The following TACR3 variants were observed in gnomAD, a reference collection of about 807,000 sequenced individuals.
TACR3 encodes tachykinin receptor 3, also known as neuromedin-K receptor.
In TACR3, 34 loss-of-function variants were observed where a neutral mutation model predicts 35.0. The ratio of observed to expected loss-of-function variants is 0.97; its 90% CI spans 0.74 to 1.30. TACR3 has a LOEUF of 1.30. TACR3 is among the 50% of genes most tolerant of loss of function. The probability of loss-of-function intolerance (pLI) is 0.00; values close to 1 mark genes in which losing one functional copy is unlikely to be tolerated. For synonymous variants in TACR3, 233 were observed against 221.1 expected, an observed-to-expected ratio of 1.05 and a Z score of -0.48; for missense variants, 558 against 591.7, an observed-to-expected ratio of 0.94 and a Z score of 0.59.
chr4:103,616,577 T>A (rs992330505), intron 3 of TACR3, among the ~76,000 whole-genome samples: 1 of 145,772 alleles, frequency 6.9e-6, no homozygotes, highest in Non-Finnish European at 1.5e-5. Context: ...TTAAATGCTA[T>A]GCCTAAAATT....
At chr4:103,660,291 C>T (rs893243152) in intron 1 of TACR3, among the ~76,000 whole-genome samples, 6 of 151,810 alleles carry the variant, frequency 4.0e-5, no homozygotes, top group Non-Finnish European at 8.8e-5. Flanking sequence ...CATATTTGTC[C>T]TTTTGTGACT....
intron 1 of TACR3, among the ~76,000 whole-genome samples, chr4:103,696,817 G>T (rs1722530767): frequency 6.6e-6 from 1 of 151,846 alleles, no homozygotes. Context: ...CATTTACATT[G>T]GTTTCAAATT....
chr4:103,593,342 G>T (rs1723935107), intron 3 of TACR3: 1 of 151,874 alleles, frequency 6.6e-6, no homozygotes, highest in African/African-American at 2.4e-5. Context: ...AAAATATAGT[G>T]GTTGAGGACC....
At chr4:103,713,476 G>T (rs1176591583) in intron 1 of TACR3, among the ~76,000 whole-genome samples, 2 of 98,852 alleles carry the variant, frequency 2.0e-5, no homozygotes, top group Non-Finnish European at 3.7e-5. Context: ...CTGTCATGGG[G>T]TGGGGGGAGG....
At chr4:103,623,229 C>T (rs982622047) in intron 3 of TACR3, among the ~76,000 whole-genome samples, 1 of 151,906 alleles carries the variant, frequency 6.6e-6, no homozygotes, top group Non-Finnish European at 1.5e-5. Flanking sequence ...AAAATTTATA[C>T]AAATAAAACT....
chr4:103,684,678 C>A (rs930371354), intron 1 of TACR3, among the ~76,000 whole-genome samples: 2 of 152,004 alleles, frequency 1.3e-5, no homozygotes, highest in African/African-American at 4.8e-5. Flanking sequence ...AGTAAGATTT[C>A]TTTATAGATA....
intron 3 of TACR3, among the ~76,000 whole-genome samples, chr4:103,624,989 TAGAGAGGGAGAAGAAAAG>T (rs1402830110): frequency 3.3e-5 from 5 of 151,252 alleles, no homozygotes; most frequent in Non-Finnish European, 7.4e-5. Context: ...CAGGGAAAGG[TAGAGAGGGAGAAGAAAAG>T]AGAGAAGGAG....
At chr4:103,697,323 A>G (rs962301791) in intron 1 of TACR3, among the ~76,000 whole-genome samples, 2 of 152,158 alleles carry the variant, frequency 1.3e-5, no homozygotes, top group Admixed American at 6.5e-5. Context: ...CTCACAGTTA[A>G]TGTGTGAGTT....
At chr4:103,664,847 T>C (rs1184832537) in intron 1 of TACR3, among the ~76,000 whole-genome samples, 1 of 152,174 alleles carries the variant, frequency 6.6e-6, no homozygotes, top group African/African-American at 2.4e-5. Flanking sequence ...CCTCTTGCTC[T>C]GTTGCCAAGG....
At chr4:103,600,796 C>G (rs1234698093) in intron 3 of TACR3, among the ~76,000 whole-genome samples, 1 of 152,146 alleles carries the variant, frequency 6.6e-6, no homozygotes, top group Non-Finnish European at 1.5e-5. Flanking sequence ...ATCCTGAGTT[C>G]TAGTTTGATT....
At chr4:103,709,356 A>C (rs1295247609) in intron 1 of TACR3, among the ~76,000 whole-genome samples, 2 of 152,232 alleles carry the variant, frequency 1.3e-5, no homozygotes, top group African/African-American at 4.8e-5. Context: ...AATATTCAAC[A>C]TTCTTAAAGA....
intron 3 of TACR3, among the ~76,000 whole-genome samples, chr4:103,599,204 T>C (rs985517171): frequency 1.7e-4 from 26 of 152,210 alleles, no homozygotes; most frequent in African/African-American, 4.8e-4. Context: ...GTATTTTATT[T>C]TCTTTGAAGC....
intron 3 of TACR3, among the ~76,000 whole-genome samples, chr4:103,625,686 C>T (rs1015399038): frequency 3.3e-5 from 5 of 151,952 alleles, no homozygotes; most frequent in East Asian, 1.9e-4. Flanking sequence ...AGGAAGCTCC[C>T]GGAATCTATG....
At chr4:103,700,669 A>G (rs773296823) in intron 1 of TACR3, among the ~76,000 whole-genome samples, 22 of 152,170 alleles carry the variant, frequency 1.4e-4, no homozygotes, top group Admixed American at 2.6e-4. Flanking sequence ...TTTATGTCAG[A>G]CATCAAATGT....
chr4:103,656,431 AAAACT>A, intron 2 of TACR3, 87 bp from the exon 3 acceptor site: 1 of 1,277,566 alleles, frequency 7.8e-7, no homozygotes, highest in Non-Finnish European at 1.1e-6. Context: ...AATCATAATT[AAAACT>A]ACCAAGAGTT....
At chr4:103,615,478 T>C (rs1724633121) in intron 3 of TACR3, among the ~76,000 whole-genome samples, 2 of 151,480 alleles carry the variant, frequency 1.3e-5, no homozygotes, top group African/African-American at 2.4e-5. Flanking sequence ...ATGTTTCTCA[T>C]TGCAACTTAA....
chr4:103,664,608 G>A (rs567245468), intron 1 of TACR3, among the ~76,000 whole-genome samples: 4 of 152,192 alleles, frequency 2.6e-5, no homozygotes, highest in East Asian at 1.9e-4. Context: ...ACAAAATACG[G>A]TCTGGCTACT....
intron 1 of TACR3, among the ~76,000 whole-genome samples, chr4:103,691,653 A>G (rs1392549401): frequency 6.6e-6 from 1 of 152,182 alleles, no homozygotes; most frequent in Admixed American, 6.6e-5. Flanking sequence ...GCACTGTAAC[A>G]TATTCATAAT....
At chr4:103,618,615 T>C (rs1253259310) in intron 3 of TACR3, among the ~76,000 whole-genome samples, 1 of 147,376 alleles carries the variant, frequency 6.8e-6, no homozygotes, top group Non-Finnish European at 1.5e-5. Flanking sequence ...TTTAGACTAG[T>C]TTTTCTAGTT....
Sources: gnomAD v4.1 joint callset for allele counts (sites outside exome capture counted in the v4.1 genomes callset) on GRCh38, gnomAD v4.1.1 for gene constraint, MANE v1.5 for transcripts, NCBI Gene and HGNC (gene_info 2026-07-23, HGNC 2026-07-21) for gene names.